The following QPCT variants were observed in gnomAD, a reference collection of about 807,000 sequenced individuals.
QPCT encodes EC.
A neutral mutation model predicts 43.4 loss-of-function variants in QPCT; 44 were observed. The ratio of observed to expected loss-of-function variants is 1.01; its 90% CI spans 0.80 to 1.30. The LOEUF is 1.30. Among genes scored for constraint, QPCT ranks in the 50% most tolerant of loss-of-function variants. The pLI, the probability that QPCT is intolerant of heterozygous loss-of-function variation, is 0.00. For synonymous variants in QPCT, 168 were observed against 168.4 expected (o/e 1.00, Z 0.02); for missense variants, 526 against 436.5 (o/e 1.21, Z -1.83).
chr2:37,352,283 T>C (rs1181906356), intron 1 of QPCT, among the ~76,000 whole-genome samples: 1 of 152,166 alleles, frequency 6.6e-6, no homozygotes, highest in Non-Finnish European at 1.5e-5. Context: ...ACTCTCCCTC[T>C]ATACTGTGTA....
intron 5 of QPCT, among the ~76,000 whole-genome samples, chr2:37,371,426 C>A (rs1572739703): frequency 1.3e-5 from 1 of 79,856 alleles, no homozygotes. Context: ...AGCGAGACTC[C>A]ATCTCAAAAA....
chr2:37,367,833 C>A (rs1293169304), intron 4 of QPCT, among the ~76,000 whole-genome samples: 1 of 152,106 alleles, frequency 6.6e-6, no homozygotes, highest in Non-Finnish European at 1.5e-5. Context: ...TGCTCCATTG[C>A]ACTCCAGCCT....
At chr2:37,365,079 A>T (rs1198224964) in intron 3 of QPCT, among the ~76,000 whole-genome samples, 1 of 146,844 alleles carries the variant, frequency 6.8e-6, no homozygotes, top group African/African-American at 2.6e-5. Context: ...ACAACACAGC[A>T]CACACACACA....
At chr2:37,357,084 A>G (rs1166905740) in intron 2 of QPCT, among the ~76,000 whole-genome samples, 1 of 152,220 alleles carries the variant, frequency 6.6e-6, no homozygotes, top group East Asian at 1.9e-4. Flanking sequence ...TTTAGTGTCA[A>G]CAAGGTCATC....
intron 2 of QPCT, among the ~76,000 whole-genome samples, chr2:37,354,656 G>C (rs1210861810): frequency 6.6e-6 from 1 of 152,146 alleles, no homozygotes; most frequent in Non-Finnish European, 1.5e-5. Flanking sequence ...GCCCAAGTTG[G>C]AGAGTGAGGC....
At chr2:37,369,969 T>A (rs958172157) in intron 5 of QPCT, among the ~76,000 whole-genome samples, 185 bp downstream of exon 5, 1 of 152,146 alleles carries the variant, frequency 6.6e-6, no homozygotes, top group Non-Finnish European at 1.5e-5. Flanking sequence ...CTGGCCAACA[T>A]GAAACAGGGC....
chr2:37,345,704 C>T (rs1366011732), intron 1 of QPCT, among the ~76,000 whole-genome samples: 1 of 152,028 alleles, frequency 6.6e-6, no homozygotes, highest in African/African-American at 2.4e-5. Context: ...GGCGTGGTGG[C>T]ACGCACCTGT....
intron 3 of QPCT, among the ~76,000 whole-genome samples, chr2:37,366,820 C>G (rs72864894): frequency 1.3e-5 from 2 of 152,070 alleles, no homozygotes. Flanking sequence ...TAGGTCAGCA[C>G]TGGATGTGGG....
At chr2:37,358,326 A>G (rs935928886) in intron 2 of QPCT, among the ~76,000 whole-genome samples, 22 of 152,118 alleles carry the variant, frequency 1.4e-4, no homozygotes, top group African/African-American at 5.1e-4. Flanking sequence ...TATTCCAGCT[A>G]CTCAGGATGT....
At chr2:37,354,609 C>T (rs1048535870) in intron 2 of QPCT, among the ~76,000 whole-genome samples, 13 of 152,156 alleles carry the variant, frequency 8.5e-5, no homozygotes, top group Admixed American at 5.9e-4. Context: ...AGCTCTGCTT[C>T]GTGCACTCAA....
chr2:37,367,907 A>G (rs992024179), intron 4 of QPCT, among the ~76,000 whole-genome samples: 2 of 152,178 alleles, frequency 1.3e-5, no homozygotes, highest in African/African-American at 4.8e-5. Context: ...GTTAGAAGCC[A>G]TGTTTGACTG....
Position 37,359,713 on chromosome 2 carries a change from A to G in QPCT, c.401A>G (p.His134Arg). The G allele has an allele frequency of 1.9e-6, 3 of 1,614,102 alleles. No homozygotes were observed. The highest frequency in any genetic ancestry group is 2.5e-6 in the Non-Finnish European group (3 of 1,180,006). ...ISTLNPTAKR[H>R]LVLACHYDSK... Reference sequence around the variant, plus strand: ...ACCCTCAATCCCACTGCTAAACGACATTTGGTCCTCGCCTGCCACTATGAC... The same window carrying G: ...ACCCTCAATCCCACTGCTAAACGACGTTTGGTCCTCGCCTGCCACTATGAC... Residue 134 changes from histidine to arginine, a missense_variant, in exon 3 of 7, where the codon CAT (histidine) becomes CGT (arginine). Transcript: ENST00000338415.
At chr2:37,352,302 T>G (rs1259148855) in intron 1 of QPCT, among the ~76,000 whole-genome samples, 1 of 152,126 alleles carries the variant, frequency 6.6e-6, no homozygotes, top group East Asian at 1.9e-4. Flanking sequence ...TAAGATTTAC[T>G]TAGGCTAACA....
chr2:37,369,677 T>C lies in QPCT; in HGVS notation c.724-8T>C, dbSNP rs201331903. 56 of 1,561,948 alleles carry C rather than the reference T, an allele frequency of 3.6e-5. No homozygotes were observed. In the East Asian group the frequency reaches 1.0e-3, roughly 29 times the overall value. On this transcript the variant is annotated splice_region_variant and splice_polypyrimidine_tract_variant and intron_variant, in intron 4 of 6. Transcript: ENST00000338415. Reference sequence around the variant, plus strand: ...GATGGTGATTAAACATTACTTTTTCTCCCTCAGGATTTATTGGTCTTATTG... The same window carrying C: ...GATGGTGATTAAACATTACTTTTTCCCCCTCAGGATTTATTGGTCTTATTG...
intron 1 of QPCT, among the ~76,000 whole-genome samples, chr2:37,347,710 T>C (rs1336007629): frequency 6.6e-6 from 1 of 152,210 alleles, no homozygotes; most frequent in East Asian, 1.9e-4. Flanking sequence ...CCAGGCCTTT[T>C]GGTCACCAGT....
chr2:37,345,569 C>T (rs976311038), intron 1 of QPCT, among the ~76,000 whole-genome samples: 7 of 152,154 alleles, frequency 4.6e-5, no homozygotes, highest in Non-Finnish European at 8.8e-5. Context: ...GGCGGGGTGG[C>T]TCACGCCTGT....
chr2:37,368,012 A>G (rs1673001156), intron 4 of QPCT, among the ~76,000 whole-genome samples: 1 of 152,288 alleles, frequency 6.6e-6, no homozygotes, highest in South Asian at 2.1e-4. Context: ...CCAGTACTGT[A>G]TGGAGGTGGA....
In QPCT at chr2:37,372,875, G is replaced by C. The variant is rs765540902; in HGVS notation, c.*48G>C. 1 of 1,488,284 alleles carries C rather than the reference G, an allele frequency of 6.7e-7. No individual in the cohort carries two copies. Among genetic ancestry groups the C allele is most frequent in the African/African-American group, 1.4e-5 (1 of 71,342 alleles). The allele number at this position is 1,488,284 out of a possible 1,614,324, so 92.2% of individuals were successfully genotyped here. ...ATTGGTTCTAGAATTGAATTCAAAA[G>C]TCAAGGCATCATTTAAAATAATCTG... On this transcript the variant is annotated 3_prime_UTR_variant, in exon 7 of 7. Transcript: ENST00000338415.
In QPCT at chr2:37,346,711, A is replaced by G. The variant is rs533159486; in HGVS notation, c.120+1860A>G. ...AAATCATTAAAAGCAAATGACAATC[A>G]GCCATCACATTTCCCAGTTTCTAGC... On this transcript the variant is annotated intron_variant, in intron 1 of 6. Transcript: ENST00000338415. Among the ~76,000 whole-genome samples, 1,184 of 152,354 alleles carry G rather than the reference A, an allele frequency of 7.8e-3. 4 individuals are homozygous for G. Among genetic ancestry groups the G allele is most frequent in the Non-Finnish European group, 0.014 (984 of 68,038 alleles).
Sources: gnomAD v4.1 joint callset for allele counts (sites outside exome capture counted in the v4.1 genomes callset) on GRCh38, gnomAD v4.1.1 for gene constraint, MANE v1.5 for transcripts, NCBI Gene and HGNC (gene_info 2026-07-23, HGNC 2026-07-21) for gene names.